Variants in SYNDIG1 observed in about 807,000 individuals in gnomAD.
The protein encoded by SYNDIG1 is synapse differentiation inducing 1.
SYNDIG1 carries 9 observed loss-of-function variants against 19.4 expected under a neutral mutation model. The observed-to-expected ratio is 0.46, with a 90% CI of 0.28 to 0.81. SYNDIG1 has a LOEUF of 0.81. Ranked by LOEUF, SYNDIG1 falls within the 30% of genes least tolerant of loss-of-function variation. The pLI is 0.12. For synonymous variants in SYNDIG1, 141 were observed against 145.9 expected, an observed-to-expected ratio of 0.97 and a Z score of 0.24; for missense variants, 311 against 343.3, an observed-to-expected ratio of 0.91 and a Z score of 0.74.
At chr20:24,479,607 C>T (rs1334966403) in intron 1 of SYNDIG1, among the ~76,000 whole-genome samples, 1 of 152,198 alleles carries the variant, frequency 6.6e-6, no homozygotes, top group East Asian at 1.9e-4. Flanking sequence ...TCCTCTTCCT[C>T]ATCACTAGAT....
At chr20:24,508,954 A>C (rs903220846) in intron 1 of SYNDIG1, among the ~76,000 whole-genome samples, 3 of 152,238 alleles carry the variant, frequency 2.0e-5, no homozygotes, top group Admixed American at 2.0e-4. Context: ...CCACAACCCA[A>C]CACATTCATG....
chr20:24,636,365 A>C (rs1187965429), intron 3 of SYNDIG1, among the ~76,000 whole-genome samples: 1 of 152,184 alleles, frequency 6.6e-6, no homozygotes, highest in Non-Finnish European at 1.5e-5. Flanking sequence ...AAAGAAAGAG[A>C]AAAGAGAACA....
chr20:24,552,669 A>G (rs951843190), intron 2 of SYNDIG1, among the ~76,000 whole-genome samples: 1 of 152,182 alleles, frequency 6.6e-6, no homozygotes, highest in Non-Finnish European at 1.5e-5. Context: ...ATAGTATTGC[A>G]TGGTGTATAT....
chr20:24,543,679 A>G, intron 2 of SYNDIG1, 102 bp downstream of exon 2: 3 of 1,494,630 alleles, frequency 2.0e-6, no homozygotes, highest in Non-Finnish European at 2.7e-6. Context: ...GAATGAAACT[A>G]GTGTGCAAAA....
At chr20:24,611,243 G>A (rs118090801) in intron 3 of SYNDIG1, among the ~76,000 whole-genome samples, 369 of 152,118 alleles carry the variant, frequency 2.4e-3, no homozygotes, top group Middle Eastern at 6.8e-3. Context: ...CTGTCCCTTT[G>A]CTCTACTCTG....
chr20:24,496,414 T>A (rs2056307191), intron 1 of SYNDIG1, among the ~76,000 whole-genome samples: 1 of 152,224 alleles, frequency 6.6e-6, no homozygotes, highest in Non-Finnish European at 1.5e-5. Context: ...GTCTTGTAGC[T>A]CTCAGCAGAC....
At chr20:24,497,229 G>T (rs778606918) in intron 1 of SYNDIG1, among the ~76,000 whole-genome samples, 9 of 152,070 alleles carry the variant, frequency 5.9e-5, no homozygotes, top group Non-Finnish European at 1.0e-4. Context: ...TTGAGACAGG[G>T]TCTCTCTGTG....
intron 2 of SYNDIG1, among the ~76,000 whole-genome samples, chr20:24,547,707 C>G (rs2057608449): frequency 1.3e-5 from 2 of 152,234 alleles, no homozygotes; most frequent in Non-Finnish European, 2.9e-5. Flanking sequence ...CAGCCAGTAG[C>G]TAAAAACTGC....
At chr20:24,542,357 C>T (rs894623107) in intron 1 of SYNDIG1, among the ~76,000 whole-genome samples, 8 of 152,190 alleles carry the variant, frequency 5.3e-5, no homozygotes, top group Non-Finnish European at 1.2e-4. Flanking sequence ...CAGCTGGGAT[C>T]GTGTTAAAAT....
chr20:24,578,441 CA>C (rs11087470), intron 2 of SYNDIG1, among the ~76,000 whole-genome samples: 54,465 of 117,934 alleles, frequency 0.46, 10,094 homozygotes, highest in Middle Eastern at 0.62. Flanking sequence ...GACTCTGTAT[CA>C]AAAAAAAAAA....
chr20:24,534,821 C>T (rs186231505), intron 1 of SYNDIG1, among the ~76,000 whole-genome samples: 4 of 152,254 alleles, frequency 2.6e-5, no homozygotes, highest in East Asian at 3.9e-4. Context: ...GCCACATGCT[C>T]GTGGTGTGGT....
At chr20:24,525,305 T>G (rs868459492) in intron 1 of SYNDIG1, among the ~76,000 whole-genome samples, 2,391 of 100,232 alleles carry the variant, frequency 0.024, 50 homozygotes, top group African/African-American at 0.07. Flanking sequence ...TTTTTTTTTT[T>G]TTTTGAGACA....
intron 1 of SYNDIG1, among the ~76,000 whole-genome samples, chr20:24,507,561 C>G (rs1395984995): frequency 1.3e-5 from 2 of 152,228 alleles, no homozygotes; most frequent in African/African-American, 4.8e-5. Context: ...TGCTGCGCGC[C>G]TGGAGCCGTG....
At chr20:24,585,958 A>G (rs1020584972) in intron 3 of SYNDIG1, among the ~76,000 whole-genome samples, 21 of 152,232 alleles carry the variant, frequency 1.4e-4, no homozygotes, top group African/African-American at 4.8e-4. Flanking sequence ...CCTTCGTCTG[A>G]AACAGATTTC....
At chr20:24,652,414 G>T (rs1377022017) in intron 3 of SYNDIG1, among the ~76,000 whole-genome samples, 1 of 152,110 alleles carries the variant, frequency 6.6e-6, no homozygotes, top group African/African-American at 2.4e-5. Flanking sequence ...ACTTATATGA[G>T]CTCCTCCACC....
chr20:24,486,782 CTGAG>C lies in SYNDIG1; in HGVS notation c.-79+17031_-79+17034del, dbSNP rs554014933. Among the ~76,000 whole-genome samples the C allele has an allele frequency of 2.7e-3, 409 of 152,244 alleles. 1 individual carries two copies. Among genetic ancestry groups the C allele is most frequent in the African/African-American group, 9.5e-3 (396 of 41,542 alleles). ...CAAGCGATTCTCCTGCCTCACCCTCCTGAGTATCTGGGACTACAGGTGTGCGCCA... is the reference window on the plus strand; with the variant it reads ...CAAGCGATTCTCCTGCCTCACCCTCCTATCTGGGACTACAGGTGTGCGCCA... On this transcript the variant is annotated intron_variant, in intron 1 of 3. Coordinates refer to ENST00000376862, the MANE Select transcript of SYNDIG1 (RefSeq NM_024893.3).
chr20:24,643,618 C>A (rs2059399576), intron 3 of SYNDIG1, among the ~76,000 whole-genome samples: 1 of 152,208 alleles, frequency 6.6e-6, no homozygotes, highest in Non-Finnish European at 1.5e-5. Flanking sequence ...GAGGTTGTTT[C>A]ATAAATTTGT....
chr20:24,548,754 A>G (rs1728370231), intron 2 of SYNDIG1, among the ~76,000 whole-genome samples: 1 of 152,196 alleles, frequency 6.6e-6, no homozygotes, highest in Non-Finnish European at 1.5e-5. Flanking sequence ...TACATTGTTT[A>G]GTGTGAGTGA....
chr20:24,547,255 G>C (rs536460353), intron 2 of SYNDIG1, among the ~76,000 whole-genome samples: 126 of 152,372 alleles, frequency 8.3e-4, no homozygotes, highest in Non-Finnish European at 3.8e-4. Flanking sequence ...CCCAAGACAG[G>C]TGCATCCCTG....
Sources: allele counts gnomAD v4.1 joint callset (sites outside exome capture counted in the v4.1 genomes callset), GRCh38; gene constraint gnomAD v4.1.1; transcripts MANE v1.5; gene names NCBI Gene and HGNC (gene_info 2026-07-23, HGNC 2026-07-21).